Variants in ATXN1 observed in about 807,000 individuals in gnomAD.
ATXN1 encodes the protein ataxin-1.
Under a neutral mutation model 56.4 loss-of-function variants are expected in ATXN1, and 8 were observed. That is an observed-to-expected ratio of 0.14 (90% CI 0.08 to 0.26). The LOEUF is 0.26. Ranked by LOEUF, ATXN1 falls within the 10% of genes least tolerant of loss-of-function variation. ATXN1 has a pLI of 1.00. For missense variants in ATXN1, 987 were observed against 1,106.5 expected (o/e 0.89, Z 1.53); for synonymous variants, 514 against 494.6 (o/e 1.04, Z -0.52).
intron 6 of ATXN1, among the ~76,000 whole-genome samples, chr6:16,399,060 C>G (rs957368827): frequency 6.6e-6 from 1 of 152,204 alleles, no homozygotes; most frequent in African/African-American, 2.4e-5. Context: ...GTTTTCTCAA[C>G]ACATTAAGCA....
chr6:16,475,963 G>A (rs868733112), intron 6 of ATXN1, among the ~76,000 whole-genome samples: 3 of 150,962 alleles, frequency 2.0e-5, no homozygotes, highest in Middle Eastern at 3.4e-3. Context: ...TCCACCTCCC[G>A]GGTCCAAGTG....
At chr6:16,334,296 T>G (rs140484131) in intron 6 of ATXN1, among the ~76,000 whole-genome samples, 4 of 152,314 alleles carry the variant, frequency 2.6e-5, no homozygotes, top group African/African-American at 9.6e-5. Flanking sequence ...AACAGCTCAA[T>G]TAGCCTACTA....
chr6:16,712,998 T>G (rs1397455990), intron 2 of ATXN1, among the ~76,000 whole-genome samples: 1 of 152,206 alleles, frequency 6.6e-6, no homozygotes, highest in East Asian at 1.9e-4. Flanking sequence ...TTTTTCCAGC[T>G]GAATTACTAA....
chr6:16,449,342 T>C (rs994240768), intron 6 of ATXN1, among the ~76,000 whole-genome samples: 1 of 152,174 alleles, frequency 6.6e-6, no homozygotes, highest in Non-Finnish European at 1.5e-5. Flanking sequence ...AATTAAATTA[T>C]TGGCATTAAA....
chr6:16,731,201 G>A (rs1759967998), intron 2 of ATXN1, among the ~76,000 whole-genome samples: 1 of 151,500 alleles, frequency 6.6e-6, no homozygotes, highest in Non-Finnish European at 1.5e-5. Context: ...GAAGCAGTTT[G>A]TGCAAAAAAA....
At chr6:16,670,199 T>C (rs1758512545) in intron 2 of ATXN1, among the ~76,000 whole-genome samples, 1 of 152,224 alleles carries the variant, frequency 6.6e-6, no homozygotes, top group Non-Finnish European at 1.5e-5. Flanking sequence ...TTCCTGGTTA[T>C]GCTACTTGAA....
intron 2 of ATXN1, among the ~76,000 whole-genome samples, chr6:16,703,085 T>C (rs973146034): frequency 6.6e-6 from 1 of 152,128 alleles, no homozygotes; most frequent in Non-Finnish European, 1.5e-5. Context: ...CCAACCCAAA[T>C]GTCCAACAAT....
At chr6:16,465,454 T>A (rs1760085824) in intron 6 of ATXN1, among the ~76,000 whole-genome samples, 1 of 152,082 alleles carries the variant, frequency 6.6e-6, no homozygotes, top group African/African-American at 2.4e-5. Flanking sequence ...TGAAATTCCA[T>A]TTCCAAAAAC....
chr6:16,618,378 T>C (rs1214846334), intron 3 of ATXN1, among the ~76,000 whole-genome samples: 2 of 152,204 alleles, frequency 1.3e-5, no homozygotes, highest in Non-Finnish European at 2.9e-5. Context: ...TGTATACCTA[T>C]GTAACAAACC....
Position 16,315,116 on chromosome 6 carries a change from G to A in ATXN1, c.1918-8257C>T, listed in dbSNP as rs553937637. ...TTGGACACCAGTGACCACACTATCC[G>A]ATGACGTCCACTCAGATGTCGAATG... On this transcript the variant is annotated intron_variant, in intron 7 of 7. Coordinates refer to ENST00000436367, the MANE Select transcript of ATXN1 (RefSeq NM_001128164.2). Among the ~76,000 whole-genome samples the A allele has an allele frequency of 3.0e-4, 46 of 152,130 alleles. 1 individual carries two copies. The South Asian group carries it at 5.6e-3, about 19-fold the overall frequency.
intron 3 of ATXN1, among the ~76,000 whole-genome samples, chr6:16,648,754 T>C (rs1581329433): frequency 6.6e-6 from 1 of 152,338 alleles, no homozygotes; most frequent in African/African-American, 2.4e-5. Flanking sequence ...GGTCAATCAA[T>C]AAATGTTAGT....
At chr6:16,580,273 T>G (rs1762504294) in intron 4 of ATXN1, among the ~76,000 whole-genome samples, 1 of 152,228 alleles carries the variant, frequency 6.6e-6, no homozygotes, top group South Asian at 2.1e-4. Context: ...AGCTCTCCTA[T>G]CTCACATTCC....
chr6:16,360,788 G>A (rs1476995869), intron 6 of ATXN1, among the ~76,000 whole-genome samples: 10 of 152,120 alleles, frequency 6.6e-5, no homozygotes, highest in Non-Finnish European at 1.3e-4. Context: ...GAAATCCAGT[G>A]GAGAAAACAC....
chr6:16,363,613 T>C (rs1347622173), intron 6 of ATXN1, among the ~76,000 whole-genome samples: 1 of 152,230 alleles, frequency 6.6e-6, no homozygotes, highest in Non-Finnish European at 1.5e-5. Flanking sequence ...GAGTTCCCTC[T>C]GGGATTTATA....
At chr6:16,580,184 G>A (rs918401549) in intron 4 of ATXN1, among the ~76,000 whole-genome samples, 1 of 152,152 alleles carries the variant, frequency 6.6e-6, no homozygotes, top group Admixed American at 6.5e-5. Flanking sequence ...TGATATTCAG[G>A]GAGCACAGAT....
chr6:16,514,983 A>AAAT lies in ATXN1; in HGVS notation c.-299+7641_-299+7643dup, dbSNP rs571110951. On this transcript the variant is annotated intron_variant, in intron 5 of 7. Transcript: ENST00000436367. The stretch of plus-strand genomic sequence containing the variant: ...GGCGACAGAGCGAGGCTCTGTCTCA[A>AAAT]AATAATAATAATAATAATAATTAAT... Among the ~76,000 whole-genome samples, 617 of 151,032 alleles carry AAAT rather than the reference A, an allele frequency of 4.1e-3. 3 individuals are homozygous for AAAT. The highest frequency in any genetic ancestry group is 6.1e-3 in the Non-Finnish European group (410 of 67,764).
At chr6:16,753,899 T>TTAAAA in intron 1 of ATXN1, 1 of 21,596 alleles carries the variant, frequency 4.6e-5, no homozygotes. Flanking sequence ...CCACTAAACT[T>TTAAAA]TATTTAAATA....
At chr6:16,647,680 G>C (rs1045305866) in intron 3 of ATXN1, among the ~76,000 whole-genome samples, 3 of 152,204 alleles carry the variant, frequency 2.0e-5, no homozygotes, top group African/African-American at 7.2e-5. Flanking sequence ...GGTGATGAAA[G>C]TGTTAACTAA....
intron 6 of ATXN1, among the ~76,000 whole-genome samples, chr6:16,364,322 TG>T (rs746549944): frequency 7.3e-4 from 110 of 150,548 alleles, no homozygotes; most frequent in Non-Finnish European, 8.9e-4. Context: ...TTTTTTTTTT[TG>T]GAGATGGAGG....
Sources: allele counts gnomAD v4.1 joint callset (sites outside exome capture counted in the v4.1 genomes callset), GRCh38; gene constraint gnomAD v4.1.1; transcripts MANE v1.5; gene names NCBI Gene and HGNC (gene_info 2026-07-23, HGNC 2026-07-21).